The following MARCHF8 variants were observed in gnomAD, a reference collection of about 807,000 sequenced individuals.
MARCHF8 encodes E3 ubiquitin-protein ligase MARCHF8.
Under a neutral mutation model 51.6 loss-of-function variants are expected in MARCHF8, and 40 were observed. That is an observed-to-expected ratio of 0.77 (90% confidence interval 0.60 to 1.01). MARCHF8 has a LOEUF of 1.01. Ranked by LOEUF, MARCHF8 falls within the 50% of genes least tolerant of loss-of-function variation. MARCHF8 has a pLI of 0.00. For synonymous variants in MARCHF8, 263 were observed against 280.3 expected (o/e 0.94, Z 0.62); for missense variants, 685 against 708.6 (o/e 0.97, Z 0.38).
At chr10:45,543,251 C>T (rs1468310844) in intron 1 of MARCHF8, among the ~76,000 whole-genome samples, 1 of 152,208 alleles carries the variant, frequency 6.6e-6, no homozygotes, top group Non-Finnish European at 1.5e-5. Flanking sequence ...TATAGCATGA[C>T]ATTGTACACA....
rs757377995 is a variant in MARCHF8, at chr10:45,459,115, C to T, written c.1417+5G>A. On this transcript the variant is annotated splice_donor_5th_base_variant and intron_variant, in intron 7 of 7. Transcript: ENST00000453424. ...TGCTGAGCTTGCTCCAGCCTGAGAACTCACCTGTTGCCTGCCCCTGCTTGA... is the reference window on the plus strand; with the variant it reads ...TGCTGAGCTTGCTCCAGCCTGAGAATTCACCTGTTGCCTGCCCCTGCTTGA... 4 of 1,613,958 alleles carry T rather than the reference C, an allele frequency of 2.5e-6. No homozygotes were observed. In the South Asian group the frequency reaches 3.3e-5, roughly 13 times the overall value.
intron 2 of MARCHF8, among the ~76,000 whole-genome samples, chr10:45,511,406 C>T (rs1007732962): frequency 6.6e-6 from 1 of 152,012 alleles, no homozygotes; most frequent in Admixed American, 6.6e-5. Flanking sequence ...CCTCTCCCCA[C>T]GGCCCACGGT....
intron 2 of MARCHF8, among the ~76,000 whole-genome samples, chr10:45,513,313 A>C (rs2043564629): frequency 1.3e-5 from 2 of 152,160 alleles, no homozygotes; most frequent in South Asian, 4.1e-4. Context: ...CTTTCTAGAA[A>C]GACAGTTAAT....
chr10:45,539,750 G>A (rs769611714), upstream of MARCHF8, among the ~76,000 whole-genome samples: 99 of 152,214 alleles, frequency 6.5e-4, no homozygotes, highest in Non-Finnish European at 1.3e-3. Flanking sequence ...TAGGAAAAGA[G>A]GAAGTCAAAT....
chr10:45,533,106 G>A lies in MARCHF8; in HGVS notation c.102+4C>T, dbSNP rs764422518. ...TGAAACTAAAAAAGATACTCTCCCA[G>A]TACCTGTTCTTCCCTCTCCTTTTCT... On this transcript the variant is annotated splice_donor_region_variant and intron_variant, in intron 2 of 7. Coordinates refer to ENST00000453424, the MANE Select transcript of MARCHF8 (RefSeq NM_001282866.2). 1.2e-5 allele frequency: 19 copies of A among 1,600,308 alleles called. No individual in the cohort carries two copies. Among genetic ancestry groups the A allele is most frequent in the Non-Finnish European group, 1.4e-5 (17 of 1,175,244 alleles).
chr10:45,474,240 A>G (rs1390817977), intron 3 of MARCHF8, among the ~76,000 whole-genome samples: 1 of 152,218 alleles, frequency 6.6e-6, no homozygotes, highest in Non-Finnish European at 1.5e-5. Context: ...ATGGTAAGAC[A>G]GCCTGCAGGT....
intron 2 of MARCHF8, among the ~76,000 whole-genome samples, chr10:45,497,493 G>A (rs1218947336): frequency 1.3e-5 from 2 of 152,018 alleles, no homozygotes; most frequent in Non-Finnish European, 2.9e-5. Flanking sequence ...CTTCTCAAGT[G>A]CACAACAACA....
chr10:45,470,063 G>C (rs1252226902), intron 3 of MARCHF8, among the ~76,000 whole-genome samples: 3 of 152,110 alleles, frequency 2.0e-5, no homozygotes, highest in African/African-American at 7.2e-5. Context: ...GGCTCTTACA[G>C]ATCTCTAGAA....
At chr10:45,544,164 CCACTAGAATGGCTACAACCAAAAA>C (rs1431212438) in intron 1 of MARCHF8, among the ~76,000 whole-genome samples, 1 of 152,100 alleles carries the variant, frequency 6.6e-6, no homozygotes, top group East Asian at 1.9e-4. Context: ...CACTATACCC[CCACTAGAATGGCTACAACCAAAAA>C]CACTAGAATG....
At chr10:45,585,795 C>CA (rs1221847312) in intron 1 of MARCHF8, among the ~76,000 whole-genome samples, 3 of 151,516 alleles carry the variant, frequency 2.0e-5, no homozygotes, top group African/African-American at 4.8e-5. Flanking sequence ...TTCTACATAA[C>CA]AAAAAAAACT....
intron 3 of MARCHF8, among the ~76,000 whole-genome samples, chr10:45,487,396 CCCTTGGCTACTAGGG>C (rs1190138021): frequency 6.6e-6 from 1 of 152,120 alleles, no homozygotes; most frequent in Non-Finnish European, 1.5e-5. Flanking sequence ...TTCAGAACTG[CCCTTGGCTACTAGGG>C]CAAGGCGACA....
At chr10:45,512,430 G>A (rs914209296) in intron 2 of MARCHF8, among the ~76,000 whole-genome samples, 12 of 150,502 alleles carry the variant, frequency 8.0e-5, no homozygotes, top group African/African-American at 1.2e-4. Context: ...CAGCCACCCC[G>A]TCCGGGAGGT....
chr10:45,541,305 CA>C (rs1371063052), intron 1 of MARCHF8, among the ~76,000 whole-genome samples: 5 of 152,176 alleles, frequency 3.3e-5, no homozygotes, highest in Admixed American at 1.3e-4. Context: ...TCATTCTCAG[CA>C]AACTATTGCA....
upstream of MARCHF8, among the ~76,000 whole-genome samples, chr10:45,538,033 C>A (rs1415006156): frequency 6.6e-6 from 1 of 152,150 alleles, no homozygotes; most frequent in Non-Finnish European, 1.5e-5. Flanking sequence ...ATCTCACTCA[C>A]CCTTCCAGTT....
rs77241269 is a variant in MARCHF8, at chr10:45,459,317, C to T, written c.1270-50G>A. ...GGCTCAGGCTTCTGGGGAAGGGCTC[C>T]GGTGGGGTGAGAGCATTGTAGGTAG... On this transcript the variant is annotated intron_variant, in intron 6 of 7. Transcript: ENST00000453424. 7,301 of 1,596,426 alleles carry T rather than the reference C, an allele frequency of 4.6e-3. 279 individuals carry two copies. In the African/African-American group the frequency reaches 0.084, roughly 18 times the overall value.
At chr10:45,561,822 A>G (rs2044313553) in intron 1 of MARCHF8, among the ~76,000 whole-genome samples, 1 of 148,988 alleles carries the variant, frequency 6.7e-6, no homozygotes, top group South Asian at 2.1e-4. Context: ...AATGGCGTGA[A>G]CCCAGGAAGC....
At chr10:45,544,950 T>A (rs1413470973) in intron 1 of MARCHF8, among the ~76,000 whole-genome samples, 1 of 152,162 alleles carries the variant, frequency 6.6e-6, no homozygotes, top group Non-Finnish European at 1.5e-5. Context: ...GCAGTGTTCC[T>A]TCAGTCCCCT....
chr10:45,454,686 G>A lies in MARCHF8; in HGVS notation c.*3553C>T, dbSNP rs958233431. 1.3e-5 allele frequency: 2 copies of A among 152,224 alleles called. No individual in the cohort carries two copies. Among genetic ancestry groups the A allele is most frequent in the African/African-American group, 4.8e-5 (2 of 41,450 alleles). 9.4% of individuals were successfully genotyped at this position (152,224 alleles called of 1,614,324 possible). ...ATTCAAGTGGTAATACTGAGAAACAGTGAACACACACAAAAGAATACAAAA... is the reference window on the plus strand; with the variant it reads ...ATTCAAGTGGTAATACTGAGAAACAATGAACACACACAAAAGAATACAAAA... On this transcript the variant is annotated 3_prime_UTR_variant, in exon 8 of 8. Transcript: ENST00000453424.
chr10:45,464,075 G>T, intron 4 of MARCHF8, 79 bp from the exon 5 acceptor site: 1 of 1,501,052 alleles, frequency 6.7e-7, no homozygotes. Flanking sequence ...GTGAAGAAAT[G>T]AGACTAGCAT....
Sources: allele counts gnomAD v4.1 joint callset (sites outside exome capture counted in the v4.1 genomes callset), GRCh38; gene constraint gnomAD v4.1.1; transcripts MANE v1.5; gene names NCBI Gene and HGNC (gene_info 2026-07-23, HGNC 2026-07-21).